The following CBX7 variants were observed in gnomAD, a reference collection of about 807,000 sequenced individuals.
CBX7 encodes chromobox protein homolog 7.
Under a neutral mutation model 31.4 loss-of-function variants are expected in CBX7, and 14 were observed. That is an observed-to-expected ratio of 0.45 (90% CI 0.29 to 0.70). The LOEUF (loss-of-function observed/expected upper bound fraction) is 0.70, where lower values mean the gene tolerates loss of function less well. CBX7 is among the 30% of genes least tolerant of loss of function. CBX7 has a pLI of 0.11. For missense variants in CBX7, 269 were observed against 351.9 expected, an observed-to-expected ratio of 0.76 and a Z score of 1.89; for synonymous variants, 159 against 152.6, an observed-to-expected ratio of 1.04 and a Z score of -0.31.
intron 3 of CBX7, among the ~76,000 whole-genome samples, chr22:39,139,702 CAAAAAAAAAAAAAAAAAAAGAAA>C (rs1930385147): frequency 6.2e-5 from 2 of 32,074 alleles, no homozygotes; most frequent in South Asian, 2.1e-3. Flanking sequence ...GACTCCATCT[CAAAAAAAAAAAAAAAAAAAGAAA>C]GAAAGAAAAA....
At chr22:39,139,702 C>CAAAAAAAAA (rs67244690) in intron 3 of CBX7, among the ~76,000 whole-genome samples, 3 of 32,058 alleles carry the variant, frequency 9.4e-5, no homozygotes, top group African/African-American at 2.3e-4. Context: ...GACTCCATCT[C>CAAAAAAAAA]AAAAAAAAAA....
At position 39,152,217 on chromosome 22, in the gene CBX7, G is replaced by A. The variant is rs1391488005; in HGVS notation, c.69+159C>T. On this transcript the variant is annotated intron_variant, in intron 1 of 5. Coordinates refer to ENST00000216133, the MANE Select transcript of CBX7 (RefSeq NM_175709.5). The surrounding 1 kb of genome is among the most constrained non-coding windows in gnomAD (Gnocchi z 4.9). ...GTTCTACTCGCCCTACACGGTGGCA[G>A]GGAAACTGAGGCACGGGCTGGGGAG... is the stretch of plus-strand genomic sequence containing the variant. 1.3e-5 allele frequency among the ~76,000 whole-genome samples: 2 copies of A among 152,098 alleles called. No homozygotes were observed. The highest frequency in any genetic ancestry group is 2.9e-5 in the Non-Finnish European group (2 of 67,988).
intron 4 of CBX7, chr22:39,135,067 C>G: frequency 2.8e-6 from 1 of 353,428 alleles, no homozygotes; most frequent in Non-Finnish European, 5.2e-6. Flanking sequence ...AGAAACAAAT[C>G]TGGATGCATT....
At chr22:39,139,323 G>A (rs996146706) in intron 3 of CBX7, among the ~76,000 whole-genome samples, 3 of 152,214 alleles carry the variant, frequency 2.0e-5, no homozygotes, top group South Asian at 4.1e-4. Flanking sequence ...GGTGGCTCAC[G>A]CCTGTAATCC....
chr22:39,150,467 T>G (rs1409390949), intron 1 of CBX7, among the ~76,000 whole-genome samples: 1 of 152,138 alleles, frequency 6.6e-6, no homozygotes, highest in African/African-American at 2.4e-5. Context: ...GCCCCTCCCT[T>G]CCTCACAGGC....
chr22:39,140,673 C>T (rs1249863821), intron 3 of CBX7, among the ~76,000 whole-genome samples: 4 of 152,208 alleles, frequency 2.6e-5, no homozygotes, highest in Non-Finnish European at 5.9e-5. Context: ...GTGAAATGGT[C>T]CCAAGCCGCA....
chr22:39,151,839 G>T (rs1044742408), intron 1 of CBX7, among the ~76,000 whole-genome samples: 1 of 142,400 alleles, frequency 7.0e-6, no homozygotes, highest in Non-Finnish European at 1.5e-5. Context: ...CCTGGGCTAG[G>T]AGTTGAGGTG....
intron 1 of CBX7, 58 bp from the exon 2 acceptor site, chr22:39,149,890 G>T: frequency 1.4e-6 from 2 of 1,448,790 alleles, no homozygotes; most frequent in Non-Finnish European, 1.9e-6. Flanking sequence ...CAGCCACTCG[G>T]AAGGACAGTT....
At chr22:39,145,934 C>T (rs1930646544) in intron 2 of CBX7, among the ~76,000 whole-genome samples, 2 of 152,006 alleles carry the variant, frequency 1.3e-5, no homozygotes, top group African/African-American at 2.4e-5. Flanking sequence ...CCCGGGGGGT[C>T]GGGGGAAGCG....
chr22:39,144,925 G>A (rs1288064593), intron 2 of CBX7, among the ~76,000 whole-genome samples: 2 of 152,334 alleles, frequency 1.3e-5, no homozygotes, highest in African/African-American at 2.4e-5. Context: ...AGACACGGAG[G>A]TTGGGCAGCC....
intron 4 of CBX7, among the ~76,000 whole-genome samples, chr22:39,138,182 CAAA>C (rs1185254645): frequency 6.8e-5 from 4 of 59,088 alleles, no homozygotes; most frequent in African/African-American, 6.2e-5. Context: ...GACTCCGTCT[CAAA>C]AAAAAAAAAA....
At chr22:39,149,863 T>C in intron 1 of CBX7, 31 bp from the exon 2 acceptor site, 2 of 1,605,548 alleles carry the variant, frequency 1.2e-6, no homozygotes, top group South Asian at 1.1e-5. Flanking sequence ...ACACAGTGAG[T>C]CTCGTGGTTG....
At chr22:39,146,915 C>T (rs1052851261) in intron 2 of CBX7, among the ~76,000 whole-genome samples, 1 of 152,048 alleles carries the variant, frequency 6.6e-6, no homozygotes, top group Non-Finnish European at 1.5e-5. Context: ...ACAGCTGGCA[C>T]CTGTACCTGA....
At chr22:39,139,817 C>T (rs918034221) in intron 3 of CBX7, among the ~76,000 whole-genome samples, 2 of 151,482 alleles carry the variant, frequency 1.3e-5, no homozygotes, top group Non-Finnish European at 2.9e-5. Flanking sequence ...GTAGTCCCAA[C>T]TATTCAGGAG....
Position 39,131,130 on chromosome 22 carries a change from C to CAAGG in CBX7, c.*2757_*2760dup, listed in dbSNP as rs1362742535. 6.6e-6 allele frequency: 1 copy of CAAGG among 152,612 alleles called. No individual in the cohort carries two copies. The highest frequency in any genetic ancestry group is 2.4e-5 in the African/African-American group (1 of 41,448). The allele number at this position is 152,612 out of a possible 1,614,324, so 9.5% of individuals were successfully genotyped here. On this transcript the variant is annotated 3_prime_UTR_variant, in exon 6 of 6. Transcript: ENST00000216133. ...AGAAGCACAGCGCCTGCCCCCAGAA[C>CAAGG]AAGGGGACAGGAGGAGCTTGGCAAC...
intron 3 of CBX7, among the ~76,000 whole-genome samples, chr22:39,139,194 G>A (rs1341860238): frequency 6.6e-6 from 1 of 152,068 alleles, no homozygotes; most frequent in African/African-American, 2.4e-5. Context: ...AGAGCGGACC[G>A]GCTCCTACCC....
In CBX7 at chr22:39,131,455, C is replaced by G. The variant is rs1004939500; in HGVS notation, c.*2436G>C. The G allele has an allele frequency of 6.5e-6, 1 of 152,718 alleles. No individual in the cohort carries two copies. The highest frequency in any genetic ancestry group is 2.4e-5 in the African/African-American group (1 of 41,426). 9.5% of individuals were successfully genotyped at this position (152,718 alleles called of 1,614,324 possible). Reference sequence around the variant, plus strand: ...CTGCACGGCCACAGCCGTAGGTGACCTCATAGAGGTCACCTGTCCTGGAGG... The same window carrying G: ...CTGCACGGCCACAGCCGTAGGTGACGTCATAGAGGTCACCTGTCCTGGAGG... On this transcript the variant is annotated 3_prime_UTR_variant, in exon 6 of 6. Transcript: ENST00000216133.
At position 39,146,935 on chromosome 22, in the gene CBX7, A is replaced by G. The variant is rs567061638; in HGVS notation, c.113+2854T>C. ...TGGCACCTGTACCTGATAATGTCAC[A>G]TTCCCTGTCCCGGGCCCCGAGCCCC... is the stretch of plus-strand genomic sequence containing the variant. On this transcript the variant is annotated intron_variant, in intron 2 of 5. Transcript: ENST00000216133. 5.3e-5 allele frequency among the ~76,000 whole-genome samples: 8 copies of G among 152,164 alleles called. No homozygotes were observed. In the South Asian group the frequency reaches 1.7e-3, roughly 32 times the overall value.
intron 4 of CBX7, chr22:39,135,517 G>A (rs1930221533): frequency 6.6e-6 from 1 of 152,252 alleles, no homozygotes; most frequent in Admixed American, 6.5e-5. Context: ...CCTGCCACCT[G>A]CTACCAGAGG....
Sources: gnomAD v4.1 joint callset for allele counts (sites outside exome capture counted in the v4.1 genomes callset) on GRCh38, gnomAD v4.1.1 for gene constraint, Gnocchi (gnomAD v3.1) non-coding constraint, MANE v1.5 for transcripts, NCBI Gene and HGNC (gene_info 2026-07-23, HGNC 2026-07-21) for gene names.